The following PCDH9 variants were observed in gnomAD, a reference collection of about 807,000 sequenced individuals.
PCDH9 encodes the protein protocadherin 9.
In PCDH9, 24 loss-of-function variants were observed where a neutral mutation model predicts 70.6. That is an observed-to-expected ratio of 0.34 (90% CI 0.25 to 0.48). PCDH9 has a LOEUF of 0.48. Ranked by LOEUF, PCDH9 falls within the 20% of genes least tolerant of loss-of-function variation. PCDH9 has a pLI of 0.99. For missense variants in PCDH9, 1,281 were observed against 1,503.6 expected (o/e 0.85, Z 2.45); for synonymous variants, 562 against 558.5 (o/e 1.01, Z -0.09).
chr13:66,985,233 C>T (rs904834928), intron 2 of PCDH9, among the ~76,000 whole-genome samples: 8 of 151,988 alleles, frequency 5.3e-5, no homozygotes, highest in African/African-American at 1.9e-4. Flanking sequence ...TTTCTGTCTT[C>T]TTTACTACAG....
intron 3 of PCDH9, among the ~76,000 whole-genome samples, chr13:66,661,031 A>C (rs1010534174): frequency 1.3e-5 from 2 of 152,216 alleles, no homozygotes; most frequent in South Asian, 2.1e-4. Context: ...AGTTTAAAAT[A>C]ATAATTTAAC....
Position 66,602,653 on chromosome 13 carries a change from AAG to A in PCDH9, c.3340+28555_3340+28556del, listed in dbSNP as rs1436036595. ...GTAAGCTAAGTTTAATTTATTATTG[AAG>A]AAAGAAAAAAAATTTAAATAAGTTC... On this transcript the variant is annotated intron_variant, in intron 4 of 4. Transcript: ENST00000377865. 6.2e-5 allele frequency among the ~76,000 whole-genome samples: 9 copies of A among 145,912 alleles called. No homozygotes were observed. The East Asian group carries it at 1.7e-3, about 28-fold the overall frequency.
intron 2 of PCDH9, among the ~76,000 whole-genome samples, chr13:67,015,473 C>T (rs537478090): frequency 2.0e-5 from 3 of 152,076 alleles, no homozygotes; most frequent in Non-Finnish European, 4.4e-5. Context: ...ACCACCTAGC[C>T]AGTCGCTCAA....
chr13:66,672,083 G>C (rs2078182883), intron 3 of PCDH9, among the ~76,000 whole-genome samples: 1 of 152,162 alleles, frequency 6.6e-6, no homozygotes, highest in African/African-American at 2.4e-5. Flanking sequence ...TGCTGCTTGT[G>C]CAGTCTTGGG....
intron 2 of PCDH9, among the ~76,000 whole-genome samples, chr13:67,180,970 G>C (rs1176184863): frequency 2.0e-5 from 3 of 152,072 alleles, no homozygotes; most frequent in Non-Finnish European, 1.5e-5. Context: ...TAAAGTTAAA[G>C]CTCTTCATTT....
intron 4 of PCDH9, among the ~76,000 whole-genome samples, chr13:66,467,582 C>A (rs577099131): frequency 6.6e-6 from 1 of 152,142 alleles, no homozygotes; most frequent in South Asian, 2.1e-4. Flanking sequence ...ATTGTTGATT[C>A]TTTTATCCCA....
chr13:67,206,527 G>A (rs1433386606), intron 2 of PCDH9: 1 of 152,146 alleles, frequency 6.6e-6, no homozygotes, highest in Non-Finnish European at 1.5e-5. Context: ...TAAAACTGTA[G>A]AAAATAACTG....
intron 3 of PCDH9, among the ~76,000 whole-genome samples, chr13:66,778,751 T>C (rs1262917959): frequency 6.6e-6 from 1 of 152,214 alleles, no homozygotes; most frequent in Non-Finnish European, 1.5e-5. Flanking sequence ...AATTAAATGC[T>C]ATGTCCTGAT....
At chr13:66,979,789 A>T (rs2083700936) in intron 2 of PCDH9, among the ~76,000 whole-genome samples, 1 of 152,062 alleles carries the variant, frequency 6.6e-6, no homozygotes, top group Admixed American at 6.6e-5. Flanking sequence ...TTCTGTGCTC[A>T]TTTTATAAGA....
intron 4 of PCDH9, among the ~76,000 whole-genome samples, chr13:66,574,174 T>A (rs755110733): frequency 6.6e-6 from 1 of 152,200 alleles, no homozygotes; most frequent in Non-Finnish European, 1.5e-5. Context: ...AGCCATTGAA[T>A]CTCCATATTG....
chr13:66,384,543 C>T (rs1374872301), intron 4 of PCDH9, among the ~76,000 whole-genome samples: 1 of 152,124 alleles, frequency 6.6e-6, no homozygotes, highest in Non-Finnish European at 1.5e-5. Flanking sequence ...GGAGTAAGAG[C>T]ACCAAAAATC....
intron 3 of PCDH9, among the ~76,000 whole-genome samples, chr13:66,781,433 T>C (rs1282861377): frequency 6.6e-6 from 1 of 152,194 alleles, no homozygotes; most frequent in African/African-American, 2.4e-5. Flanking sequence ...CCTGAATGCC[T>C]GACAAGGTGT....
At chr13:67,012,226 T>C (rs2084465038) in intron 2 of PCDH9, among the ~76,000 whole-genome samples, 1 of 151,810 alleles carries the variant, frequency 6.6e-6, no homozygotes, top group Non-Finnish European at 1.5e-5. Flanking sequence ...ACTTGTTGAA[T>C]AGAATATTAA....
At chr13:66,918,310 C>A (rs1381048663) in intron 2 of PCDH9, among the ~76,000 whole-genome samples, 1 of 151,088 alleles carries the variant, frequency 6.6e-6, no homozygotes, top group African/African-American at 2.4e-5. Flanking sequence ...CTTTAGTGTT[C>A]ATTTGTTTCT....
chr13:66,719,090 A>T (rs999540308), intron 3 of PCDH9, among the ~76,000 whole-genome samples: 1 of 152,184 alleles, frequency 6.6e-6, no homozygotes, highest in African/African-American at 2.4e-5. Flanking sequence ...AACCCCACAT[A>T]TTTTAATAAT....
intron 2 of PCDH9, among the ~76,000 whole-genome samples, chr13:67,174,963 C>CAAAAA (rs376755966): frequency 7.8e-6 from 1 of 127,444 alleles, no homozygotes; most frequent in East Asian, 2.3e-4. Flanking sequence ...TCATCTCTAC[C>CAAAAA]AAAAAAAAAA....
intron 4 of PCDH9, among the ~76,000 whole-genome samples, chr13:66,390,189 T>C (rs1956992879): frequency 6.6e-6 from 1 of 152,210 alleles, no homozygotes; most frequent in Admixed American, 6.5e-5. Context: ...GTGAAATGAT[T>C]TACTTGCCTC....
At chr13:67,017,595 A>G (rs2325020) in intron 2 of PCDH9, among the ~76,000 whole-genome samples, 59,569 of 152,078 alleles carry the variant, frequency 0.39, 12,295 homozygotes, top group East Asian at 0.65. Context: ...AACATGAAAG[A>G]GAAATAGGAT....
At chr13:67,087,936 G>C (rs1025463839) in intron 2 of PCDH9, among the ~76,000 whole-genome samples, 1 of 152,016 alleles carries the variant, frequency 6.6e-6, no homozygotes, top group Non-Finnish European at 1.5e-5. Context: ...GCACCAAATT[G>C]TAACAGTTCT....
Sources: allele counts gnomAD v4.1 joint callset (sites outside exome capture counted in the v4.1 genomes callset), GRCh38; gene constraint gnomAD v4.1.1; transcripts MANE v1.5; gene names NCBI Gene and HGNC (gene_info 2026-07-23, HGNC 2026-07-21).